STIM2: variants seen among roughly 807,000 people sequenced by gnomAD.
STIM2 encodes stromal interaction molecule 2.
In STIM2, 31 loss-of-function variants were observed where a neutral mutation model predicts 85.8. That is an observed-to-expected ratio of 0.36 (90% CI 0.27 to 0.49). The LOEUF (loss-of-function observed/expected upper bound fraction) is 0.49, where lower values mean the gene tolerates loss of function less well. Among genes scored for constraint, STIM2 ranks in the 20% least tolerant of loss-of-function variants. The pLI is 0.98. For synonymous variants in STIM2, 356 were observed against 331.1 expected (o/e 1.08, Z -0.82); for missense variants, 841 against 927.6 (o/e 0.91, Z 1.21).
intron 3 of STIM2, among the ~76,000 whole-genome samples, chr4:26,988,472 C>T (rs1302290900): frequency 6.6e-6 from 1 of 152,156 alleles, no homozygotes; most frequent in Non-Finnish European, 1.5e-5. Context: ...ACAGAAAGCT[C>T]CAAGTATGGC....
intron 2 of STIM2, among the ~76,000 whole-genome samples, chr4:26,953,763 T>C (rs1726142244): frequency 6.6e-6 from 1 of 152,100 alleles, no homozygotes; most frequent in African/African-American, 2.4e-5. Flanking sequence ...ATTTATTGGC[T>C]TCCTCTGTTT....
chr4:26,896,904 A>G (rs1723730854), intron 1 of STIM2, among the ~76,000 whole-genome samples: 1 of 152,156 alleles, frequency 6.6e-6, no homozygotes, highest in Non-Finnish European at 1.5e-5. Flanking sequence ...TTCCACTTTT[A>G]TACTTTTGCC....
At chr4:26,957,777 G>C in intron 3 of STIM2, 51 bp downstream of exon 3, 1 of 1,149,710 alleles carries the variant, frequency 8.7e-7, no homozygotes, top group African/African-American at 1.6e-5. Flanking sequence ...CATCTAGCCT[G>C]CTTAGTTGTT....
intron 2 of STIM2, among the ~76,000 whole-genome samples, chr4:26,935,380 A>G (rs1725357315): frequency 1.3e-5 from 2 of 152,222 alleles, no homozygotes; most frequent in African/African-American, 4.8e-5. Context: ...CACTCTATAC[A>G]TCTTTTAGAA....
At chr4:26,959,389 C>A (rs893562371) in intron 3 of STIM2, among the ~76,000 whole-genome samples, 1 of 152,124 alleles carries the variant, frequency 6.6e-6, no homozygotes, top group Non-Finnish European at 1.5e-5. Context: ...ACCACTCTGG[C>A]CACCCTGTTT....
intron 3 of STIM2, among the ~76,000 whole-genome samples, chr4:26,975,700 C>T (rs1466999879): frequency 1.3e-5 from 2 of 152,214 alleles, no homozygotes; most frequent in Non-Finnish European, 2.9e-5. Context: ...AGTTAGGCTA[C>T]ACAGGGATCA....
At chr4:27,022,255 A>G (rs1728938808) in intron 11 of STIM2, among the ~76,000 whole-genome samples, 1 of 152,232 alleles carries the variant, frequency 6.6e-6, no homozygotes, top group South Asian at 2.1e-4. Flanking sequence ...AATTTATTTG[A>G]CAAAAAGGAG....
chr4:26,934,996 G>A (rs1218187666), intron 2 of STIM2, among the ~76,000 whole-genome samples: 1 of 151,422 alleles, frequency 6.6e-6, no homozygotes, highest in Non-Finnish European at 1.5e-5. Flanking sequence ...GAGTGAGGCA[G>A]AAAGTGTAGA....
chr4:26,931,749 C>T (rs148343581), intron 2 of STIM2, among the ~76,000 whole-genome samples: 69 of 152,218 alleles, frequency 4.5e-4, no homozygotes, highest in East Asian at 4.1e-3. Context: ...CTTACAGTTA[C>T]TGAGGTACTT....
chr4:26,941,657 A>C (rs1245433593), intron 2 of STIM2, among the ~76,000 whole-genome samples: 1 of 151,294 alleles, frequency 6.6e-6, no homozygotes, highest in Admixed American at 6.6e-5. Flanking sequence ...TAAAAATTAT[A>C]CTATGTAGCA....
At chr4:26,937,529 T>A (rs1024301217) in intron 2 of STIM2, among the ~76,000 whole-genome samples, 6 of 152,232 alleles carry the variant, frequency 3.9e-5, no homozygotes, top group Non-Finnish European at 7.3e-5. Context: ...GACCTGTTTA[T>A]TCCCATTTCA....
intron 5 of STIM2, among the ~76,000 whole-genome samples, chr4:27,001,260 G>A (rs1237620045): frequency 1.3e-5 from 2 of 152,142 alleles, no homozygotes; most frequent in Non-Finnish European, 2.9e-5. Context: ...AGCTATCATT[G>A]TGTCTCTGTT....
chr4:26,962,570 G>A (rs1726516860), intron 3 of STIM2, among the ~76,000 whole-genome samples: 1 of 129,950 alleles, frequency 7.7e-6, no homozygotes, highest in African/African-American at 2.9e-5. Flanking sequence ...GTGTGTGTGT[G>A]TGTGTGTGTG....
chr4:27,021,627 T>C (rs544300370), intron 11 of STIM2: 4 of 456,720 alleles, frequency 8.8e-6, no homozygotes, highest in South Asian at 3.1e-5. Flanking sequence ...GTGAATGATA[T>C]GTTTTGCTTG....
intron 1 of STIM2, among the ~76,000 whole-genome samples, chr4:26,862,572 T>A (rs1038312840): frequency 6.6e-6 from 1 of 152,194 alleles, no homozygotes; most frequent in African/African-American, 2.4e-5. Context: ...AGAAGAAGGA[T>A]GTTGGTAAAC....
At chr4:26,951,951 T>G (rs1466598540) in intron 2 of STIM2, among the ~76,000 whole-genome samples, 4 of 152,044 alleles carry the variant, frequency 2.6e-5, no homozygotes, top group African/African-American at 9.7e-5. Context: ...TGGATCATGG[T>G]GGGAGGCAAA....
At chr4:26,968,243 C>A (rs1013267539) in intron 3 of STIM2, among the ~76,000 whole-genome samples, 1 of 152,038 alleles carries the variant, frequency 6.6e-6, no homozygotes, top group African/African-American at 2.4e-5. Context: ...TGCACACTCA[C>A]ACACACACAC....
chr4:26,877,836 A>C lies in STIM2; in HGVS notation c.151+16467A>C, dbSNP rs138796687. ...ATTGCCTTTGTGAGAGTACTGAGAA[A>C]TGGGACCATTAAGAGGTGCTTAGGC... On this transcript the variant is annotated intron_variant, in intron 1 of 11. Transcript: ENST00000467087. Among the ~76,000 whole-genome samples the C allele has an allele frequency of 1.7e-3, 261 of 152,300 alleles. 1 individual carries two copies. The highest frequency in any genetic ancestry group is 6.1e-3 in the African/African-American group (253 of 41,562).
intron 3 of STIM2, among the ~76,000 whole-genome samples, chr4:26,971,089 T>C (rs983028051): frequency 1.3e-5 from 2 of 152,208 alleles, no homozygotes; most frequent in Non-Finnish European, 2.9e-5. Context: ...TTGATGGGGT[T>C]GTTTGCTTTT....
Sources: gnomAD v4.1 joint callset for allele counts (sites outside exome capture counted in the v4.1 genomes callset) on GRCh38, gnomAD v4.1.1 for gene constraint, MANE v1.5 for transcripts, NCBI Gene and HGNC (gene_info 2026-07-23, HGNC 2026-07-21) for gene names.